The following ARHGAP17 variants were observed in gnomAD, a reference collection of about 807,000 sequenced individuals.
ARHGAP17 encodes Rho GTPase activating protein 17.
ARHGAP17 carries 57 observed loss-of-function variants against 99.5 expected under a neutral mutation model. The observed-to-expected ratio is 0.57, with a 90% CI of 0.46 to 0.71. The LOEUF is 0.71. ARHGAP17 is among the 30% of genes least tolerant of loss of function. The probability of loss-of-function intolerance (pLI) is 0.00; values close to 1 mark genes in which losing one functional copy is unlikely to be tolerated. For missense variants in ARHGAP17, 1,000 were observed against 1,122.4 expected (o/e 0.89, Z 1.56); for synonymous variants, 417 against 429.6 (o/e 0.97, Z 0.36).
At chr16:25,007,279 T>C (rs1355748756) in intron 1 of ARHGAP17, among the ~76,000 whole-genome samples, 1 of 152,208 alleles carries the variant, frequency 6.6e-6, no homozygotes. Context: ...GCAAAGAACA[T>C]ATAGTGTGTA....
At chr16:24,990,939 G>A (rs1222890058) in intron 1 of ARHGAP17, among the ~76,000 whole-genome samples, 2 of 152,042 alleles carry the variant, frequency 1.3e-5, no homozygotes, top group East Asian at 1.9e-4. Context: ...TAGTCTCCAG[G>A]GTCCCTGTGT....
At chr16:25,005,416 G>A (rs1365072597) in intron 1 of ARHGAP17, among the ~76,000 whole-genome samples, 1 of 152,118 alleles carries the variant, frequency 6.6e-6, no homozygotes, top group African/African-American at 2.4e-5. Flanking sequence ...ACATATCTAT[G>A]AACAAGAATG....
intron 6 of ARHGAP17, among the ~76,000 whole-genome samples, chr16:24,966,239 G>A (rs1187363831): frequency 6.6e-6 from 1 of 152,206 alleles, no homozygotes; most frequent in Non-Finnish European, 1.5e-5. Flanking sequence ...ACTCACACCT[G>A]TAATCCCAAC....
intron 11 of ARHGAP17, 33 bp from the exon 12 acceptor site, chr16:24,952,403 A>G (rs749481376): frequency 4.3e-5 from 67 of 1,544,570 alleles, no homozygotes. Context: ...TGAGTATGAA[A>G]AAGGGGTAAG....
chr16:24,935,741 G>T (rs554044343), intron 17 of ARHGAP17, 102 bp from the exon 18 acceptor site: 2 of 1,272,036 alleles, frequency 1.6e-6, no homozygotes, highest in East Asian at 4.8e-5. Flanking sequence ...TTTTCACTTC[G>T]GCAGGCAGGA....
chr16:24,979,356 C>A (rs1403577869), intron 1 of ARHGAP17, among the ~76,000 whole-genome samples: 1 of 152,174 alleles, frequency 6.6e-6, no homozygotes, highest in African/African-American at 2.4e-5. Flanking sequence ...ATAGACCCTG[C>A]ATTTTTAACA....
chr16:25,014,674 A>C (rs1198067409), intron 1 of ARHGAP17, among the ~76,000 whole-genome samples: 1 of 152,190 alleles, frequency 6.6e-6, no homozygotes, highest in Non-Finnish European at 1.5e-5. Context: ...TTCTGAACTC[A>C]CTGAGCAAAT....
At chr16:24,925,861 A>G (rs1311942162) in intron 19 of ARHGAP17, among the ~76,000 whole-genome samples, 1 of 152,208 alleles carries the variant, frequency 6.6e-6, no homozygotes, top group Non-Finnish European at 1.5e-5. Flanking sequence ...CTGTAATCCC[A>G]GCACTTTGGG....
At chr16:24,991,317 C>A (rs932916712) in intron 1 of ARHGAP17, among the ~76,000 whole-genome samples, 1 of 152,160 alleles carries the variant, frequency 6.6e-6, no homozygotes, top group Non-Finnish European at 1.5e-5. Context: ...TTTCGTGGCA[C>A]CTAGTGAGGG....
At chr16:24,995,691 C>T (rs1033673816) in intron 1 of ARHGAP17, among the ~76,000 whole-genome samples, 8 of 152,108 alleles carry the variant, frequency 5.3e-5, no homozygotes, top group Admixed American at 5.2e-4. Flanking sequence ...ATCAGGTGTG[C>T]GAACCAAACT....
Position 24,930,541 on chromosome 16 carries a change from T to A in ARHGAP17, c.2515+243A>T, listed in dbSNP as rs1381564559. 3 of 740,042 alleles carry A rather than the reference T, an allele frequency of 4.1e-6. No individual in the cohort carries two copies. The African/African-American group carries it at 5.2e-5, about 13-fold the overall frequency. The allele number at this position is 740,042 out of a possible 1,614,324, so 45.8% of individuals were successfully genotyped here. A position where few individuals can be genotyped will look rare whatever the true frequency, so the allele number is the denominator to read the frequency against. On this transcript the variant is annotated intron_variant, in intron 19 of 19. Coordinates refer to ENST00000289968, the MANE Select transcript of ARHGAP17 (RefSeq NM_001006634.3). The stretch of plus-strand genomic sequence containing the variant: ...CCAACTTTGTGGGCCACAGGATCTT[T>A]GGTCACGACTACCCAGCTCTGCTGT...
chr16:25,008,371 A>G (rs557272874), intron 1 of ARHGAP17, among the ~76,000 whole-genome samples: 3 of 152,322 alleles, frequency 2.0e-5, no homozygotes, highest in African/African-American at 7.2e-5. Context: ...TAACAACAAT[A>G]TATGCATATT....
chr16:24,998,815 C>T (rs1426426582), intron 1 of ARHGAP17, among the ~76,000 whole-genome samples: 1 of 152,160 alleles, frequency 6.6e-6, no homozygotes, highest in Non-Finnish European at 1.5e-5. Flanking sequence ...AGAAAAAGGC[C>T]AGGTAGACAG....
At chr16:24,961,971 TG>T (rs200782730) in intron 7 of ARHGAP17, among the ~76,000 whole-genome samples, 3 of 126,368 alleles carry the variant, frequency 2.4e-5, no homozygotes, top group Non-Finnish European at 4.9e-5. Context: ...AGAGAGAGTT[TG>T]TTTTTTTTTT....
intron 2 of ARHGAP17, chr16:24,977,535 G>T: frequency 2.7e-6 from 1 of 370,198 alleles, no homozygotes; most frequent in Non-Finnish European, 4.8e-6. Context: ...AATGATCCGG[G>T]CCCAGACCCA....
At chr16:24,959,009 A>AG (rs2051897436) in intron 9 of ARHGAP17, among the ~76,000 whole-genome samples, 2 of 150,102 alleles carry the variant, frequency 1.3e-5, no homozygotes, top group South Asian at 4.2e-4. Context: ...CTTTAGGGAG[A>AG]GAAAAAAAAA....
chr16:24,935,952 G>A, intron 17 of ARHGAP17: 1 of 372,054 alleles, frequency 2.7e-6, no homozygotes, highest in Non-Finnish European at 5.1e-6. Flanking sequence ...GGGACTATAG[G>A]ACTATTTATT....
chr16:24,932,314 C>T (rs1597365685), intron 18 of ARHGAP17, among the ~76,000 whole-genome samples: 1 of 152,114 alleles, frequency 6.6e-6, no homozygotes, highest in African/African-American at 2.4e-5. Context: ...AAATTAAGTA[C>T]ATTATGCACA....
chr16:24,932,243 C>T (rs896935846), intron 18 of ARHGAP17, among the ~76,000 whole-genome samples: 4 of 152,138 alleles, frequency 2.6e-5, no homozygotes, highest in Admixed American at 6.6e-5. Flanking sequence ...GAACTCTCAG[C>T]ATTATCTTTG....
Sources: allele counts gnomAD v4.1 joint callset (sites outside exome capture counted in the v4.1 genomes callset), GRCh38; gene constraint gnomAD v4.1.1; transcripts MANE v1.5; gene names NCBI Gene and HGNC (gene_info 2026-07-23, HGNC 2026-07-21).